Variants in GALNT13 observed in about 807,000 individuals in gnomAD.
GALNT13 encodes the protein UDP-GalNAc:polypeptide N-acetylgalactosaminyltransferase 13.
In GALNT13, 28 loss-of-function variants were observed where a neutral mutation model predicts 64.2. The observed-to-expected ratio is 0.44, with a 90% CI of 0.32 to 0.60. The LOEUF (loss-of-function observed/expected upper bound fraction) is 0.60. Ranked by LOEUF, GALNT13 falls within the 20% of genes least tolerant of loss-of-function variation. The pLI, the probability that GALNT13 is intolerant of heterozygous loss-of-function variation, is 0.05. For synonymous variants in GALNT13, 214 were observed against 224.6 expected, an observed-to-expected ratio of 0.95 and a Z score of 0.42; for missense variants, 577 against 669.8, an observed-to-expected ratio of 0.86 and a Z score of 1.53.
the GALNT13 span, among the ~76,000 whole-genome samples, chr2:153,699,507 G>T: frequency 1.3e-5 from 2 of 151,928 alleles, no homozygotes; most frequent in Admixed American, 6.6e-5. Context: ...AACTCACAGA[G>T]ATAGAGATAC....
chr2:153,815,136 A>G, the GALNT13 span, among the ~76,000 whole-genome samples: 1 of 152,232 alleles, frequency 6.6e-6, no homozygotes, highest in Admixed American at 6.5e-5. Flanking sequence ...CTCTGCTAGC[A>G]TAACAAGTCT....
At chr2:153,292,779 A>C in the GALNT13 span, among the ~76,000 whole-genome samples, 2 of 152,208 alleles carry the variant, frequency 1.3e-5, no homozygotes, top group East Asian at 3.8e-4. Context: ...ATTAACAAAA[A>C]TTACAGAAAG....
the GALNT13 span, among the ~76,000 whole-genome samples, chr2:153,701,641 GAACA>G: frequency 6.6e-6 from 1 of 151,892 alleles, no homozygotes; most frequent in South Asian, 2.1e-4. Context: ...TATGAGAAAA[GAACA>G]AACAATCCCA....
chr2:154,271,617 AT>A (rs1188290487), intron 8 of GALNT13, among the ~76,000 whole-genome samples: 1 of 151,926 alleles, frequency 6.6e-6, no homozygotes, highest in Non-Finnish European at 1.5e-5. Flanking sequence ...ACCTCACAAA[AT>A]CTCATCATAT....
At chr2:153,635,800 A>T in the GALNT13 span, among the ~76,000 whole-genome samples, 1 of 152,088 alleles carries the variant, frequency 6.6e-6, no homozygotes, top group African/African-American at 2.4e-5. Context: ...AACTTCAAAG[A>T]CTTCACTGAT....
the GALNT13 span, among the ~76,000 whole-genome samples, chr2:153,774,231 T>C: frequency 6.6e-6 from 1 of 152,096 alleles, no homozygotes; most frequent in Non-Finnish European, 1.5e-5. Context: ...AAATCATAAA[T>C]ATTATCTTGA....
chr2:153,165,400 A>G, the GALNT13 span, among the ~76,000 whole-genome samples: 473 of 152,348 alleles, frequency 3.1e-3, 5 homozygotes, highest in African/African-American at 0.011. Flanking sequence ...AAATAAAAAC[A>G]TTCCTCATAA....
intron 1 of GALNT13, 115 bp from the exon 2 acceptor site, chr2:153,900,821 A>T: frequency 6.6e-6 from 1 of 152,166 alleles, no homozygotes; most frequent in East Asian, 1.9e-4. Context: ...TACATTTTGT[A>T]AAACCTATTT....
the GALNT13 span, among the ~76,000 whole-genome samples, chr2:153,181,913 T>C: frequency 2.0e-5 from 3 of 148,320 alleles, no homozygotes; most frequent in African/African-American, 7.3e-5. Context: ...TAAATGATTA[T>C]ATAAAGCAAT....
the GALNT13 span, among the ~76,000 whole-genome samples, chr2:153,626,609 A>G: frequency 2.6e-5 from 4 of 152,128 alleles, no homozygotes; most frequent in African/African-American, 9.7e-5. Flanking sequence ...ATTGAACTGG[A>G]CTTACAATAA....
At chr2:153,693,834 G>T in the GALNT13 span, among the ~76,000 whole-genome samples, 5 of 152,080 alleles carry the variant, frequency 3.3e-5, no homozygotes, top group Admixed American at 1.3e-4. Flanking sequence ...AAAGCAATCG[G>T]CTGGGCGCGG....
chr2:153,862,675 A>C, the GALNT13 span, among the ~76,000 whole-genome samples: 3 of 152,028 alleles, frequency 2.0e-5, no homozygotes, highest in Non-Finnish European at 4.4e-5. Context: ...CATTTGTAAA[A>C]CGCTTTATAT....
chr2:153,682,538 T>G, the GALNT13 span, among the ~76,000 whole-genome samples: 1 of 151,716 alleles, frequency 6.6e-6, no homozygotes, highest in Non-Finnish European at 1.5e-5. Flanking sequence ...TCATAACACC[T>G]GCTCTCACAT....
chr2:153,964,619 T>A (rs72866804), intron 3 of GALNT13, among the ~76,000 whole-genome samples: 10,721 of 152,148 alleles, frequency 0.07, 440 homozygotes, highest in Middle Eastern at 0.12. Flanking sequence ...AGTATGTAAT[T>A]GTTACAGACT....
chr2:153,618,037 T>C, the GALNT13 span, among the ~76,000 whole-genome samples: 1 of 152,000 alleles, frequency 6.6e-6, no homozygotes, highest in Non-Finnish European at 1.5e-5. Context: ...TCTACTGTGA[T>C]CTTTATTGTT....
At chr2:153,672,806 G>T in the GALNT13 span, among the ~76,000 whole-genome samples, 1 of 148,776 alleles carries the variant, frequency 6.7e-6, no homozygotes, top group South Asian at 2.1e-4. Context: ...AAAATAGACC[G>T]CTAGCAAGAC....
chr2:153,346,508 T>C, the GALNT13 span, among the ~76,000 whole-genome samples: 17 of 152,276 alleles, frequency 1.1e-4, 1 homozygote, highest in African/African-American at 4.1e-4. Context: ...GTTTTCAACA[T>C]TTTATAATTT....
At chr2:154,118,347 T>C (rs1681727244) in intron 3 of GALNT13, among the ~76,000 whole-genome samples, 3 of 151,274 alleles carry the variant, frequency 2.0e-5, no homozygotes, top group Admixed American at 2.0e-4. Context: ...CTATGCTGTC[T>C]ATCTTTTGAG....
At chr2:153,964,216 A>G (rs1422695759) in intron 3 of GALNT13, among the ~76,000 whole-genome samples, 1 of 152,174 alleles carries the variant, frequency 6.6e-6, no homozygotes. Context: ...TGGGAGGCCA[A>G]GGCAAGGGAA....
Sources: allele counts gnomAD v4.1 joint callset (sites outside exome capture counted in the v4.1 genomes callset), GRCh38; gene constraint gnomAD v4.1.1; transcripts MANE v1.5; gene names NCBI Gene and HGNC (gene_info 2026-07-23, HGNC 2026-07-21).